The following SCMH1 variants were observed in gnomAD, a reference collection of about 807,000 sequenced individuals.
SCMH1 encodes the protein Scm polycomb group protein homolog 1.
SCMH1 carries 37 observed loss-of-function variants against 70.8 expected under a neutral mutation model. The ratio of observed to expected loss-of-function variants is 0.52; its 90% CI spans 0.40 to 0.69. The LOEUF is 0.69. SCMH1 is among the 30% of genes least tolerant of loss of function. The pLI, the probability that SCMH1 is intolerant of heterozygous loss-of-function variation, is 0.00. For synonymous variants in SCMH1, 292 were observed against 307.4 expected, an observed-to-expected ratio of 0.95 and a Z score of 0.52; for missense variants, 607 against 827.3, an observed-to-expected ratio of 0.73 and a Z score of 3.27.
chr1:41,075,314 G>C (rs1571837087), exon 9 of SCMH1: 1 of 1,614,160 alleles, frequency 6.2e-7, no homozygotes, highest in East Asian at 2.2e-5. Context: ...AGGGTCTTGG[G>C]TGTCCGGCCC....
chr1:41,060,773 T>C (rs894909189), intron 10 of SCMH1, among the ~76,000 whole-genome samples: 1 of 152,120 alleles, frequency 6.6e-6, no homozygotes, highest in Non-Finnish European at 1.5e-5. Flanking sequence ...GCCTCCTGAG[T>C]AGCTTGGGGC....
intron 12 of SCMH1, chr1:41,045,697 C>T (rs1415112892): frequency 6.6e-6 from 1 of 152,414 alleles, no homozygotes; most frequent in Non-Finnish European, 1.5e-5. Flanking sequence ...TTTCCTCCCT[C>T]TCAGTAATGA....
At chr1:41,129,566 ATC>A (rs540398045) in intron 6 of SCMH1, among the ~76,000 whole-genome samples, 1 of 152,048 alleles carries the variant, frequency 6.6e-6, no homozygotes, top group Non-Finnish European at 1.5e-5. Flanking sequence ...TTCCCATTGC[ATC>A]TCTCTCTCTT....
chr1:41,125,721 G>A (rs1332474166), intron 6 of SCMH1, among the ~76,000 whole-genome samples: 1 of 151,170 alleles, frequency 6.6e-6, no homozygotes, highest in African/African-American at 2.4e-5. Context: ...CCACAGATGC[G>A]TGACACCATG....
At chr1:41,072,209 A>C (rs1379306632) in intron 9 of SCMH1, among the ~76,000 whole-genome samples, 2 of 152,212 alleles carry the variant, frequency 1.3e-5, no homozygotes, top group Non-Finnish European at 2.9e-5. Flanking sequence ...ACATCTGCTC[A>C]TGCTTTTTTA....
intron 8 of SCMH1, among the ~76,000 whole-genome samples, chr1:41,081,527 TA>T (rs1660016952): frequency 6.6e-6 from 1 of 152,186 alleles, no homozygotes; most frequent in African/African-American, 2.4e-5. Flanking sequence ...AATTGACACA[TA>T]TATTATTTGT....
intron 6 of SCMH1, among the ~76,000 whole-genome samples, chr1:41,128,633 G>A (rs759070455): frequency 1.3e-5 from 2 of 151,834 alleles, no homozygotes; most frequent in Admixed American, 1.3e-4. Context: ...TGCCTTGTGT[G>A]GTTTATTTCA....
intron 5 of SCMH1, among the ~76,000 whole-genome samples, chr1:41,147,106 T>C (rs1483663904): frequency 6.6e-6 from 1 of 152,208 alleles, no homozygotes; most frequent in Non-Finnish European, 1.5e-5. Context: ...TAAATAAATG[T>C]ATAGTGATAG....
chr1:41,111,269 C>G (rs185924950), intron 8 of SCMH1, among the ~76,000 whole-genome samples: 1 of 152,120 alleles, frequency 6.6e-6, no homozygotes, highest in Non-Finnish European at 1.5e-5. Context: ...AGAATAAAAT[C>G]CAATATTCCC....
intron 1 of SCMH1, among the ~76,000 whole-genome samples, chr1:41,191,300 C>G (rs796217632): frequency 3.2e-4 from 48 of 152,206 alleles, no homozygotes; most frequent in African/African-American, 1.1e-3. Context: ...CAATGTGTGT[C>G]TGCTTTATTT....
chr1:41,179,548 C>T (rs1648070678), intron 2 of SCMH1, among the ~76,000 whole-genome samples: 1 of 152,164 alleles, frequency 6.6e-6, no homozygotes, highest in Admixed American at 6.5e-5. Flanking sequence ...ACCAATCCTG[C>T]AGAAACACAA....
intron 4 of SCMH1, among the ~76,000 whole-genome samples, chr1:41,153,887 A>G (rs1645286372): frequency 6.6e-6 from 1 of 152,236 alleles, no homozygotes; most frequent in Admixed American, 6.5e-5. Context: ...AAGTAACCAC[A>G]AAAGAAATAG....
intron 6 of SCMH1, among the ~76,000 whole-genome samples, chr1:41,141,702 T>C (rs1644090223): frequency 6.6e-6 from 1 of 152,048 alleles, no homozygotes; most frequent in African/African-American, 2.4e-5. Flanking sequence ...ACAAATAAAC[T>C]GCAAGAAAAA....
At chr1:41,069,576 G>A (rs767544703) in intron 10 of SCMH1, among the ~76,000 whole-genome samples, 2 of 152,156 alleles carry the variant, frequency 1.3e-5, no homozygotes, top group Non-Finnish European at 2.9e-5. Flanking sequence ...GTAGGTAAAA[G>A]ATAAATGTGG....
chr1:41,208,305 T>A, intron 1 of SCMH1, among the ~76,000 whole-genome samples: 1 of 112,278 alleles, frequency 8.9e-6, no homozygotes, highest in African/African-American at 3.4e-5. Context: ...AGGGATAGCA[T>A]TGGGAGATAT....
intron 6 of SCMH1, among the ~76,000 whole-genome samples, chr1:41,123,304 C>T (rs965369701): frequency 6.6e-6 from 1 of 152,158 alleles, no homozygotes; most frequent in South Asian, 2.1e-4. Context: ...AACAGAAGAG[C>T]ATTCACACCA....
chr1:41,212,543 TG>T (rs1243991948), intron 1 of SCMH1, among the ~76,000 whole-genome samples: 1 of 152,084 alleles, frequency 6.6e-6, no homozygotes, highest in African/African-American at 2.4e-5. Flanking sequence ...CAAAAATTTC[TG>T]TAACATATAA....
At chr1:41,052,568 AT>A (rs1352375658) in intron 10 of SCMH1, among the ~76,000 whole-genome samples, 1 of 152,198 alleles carries the variant, frequency 6.6e-6, no homozygotes, top group Admixed American at 6.5e-5. Context: ...CTAATGATGC[AT>A]TTCTCTGATC....
At chr1:41,134,082 A>G (rs1290899031) in intron 6 of SCMH1, among the ~76,000 whole-genome samples, 1 of 152,224 alleles carries the variant, frequency 6.6e-6, no homozygotes, top group Non-Finnish European at 1.5e-5. Flanking sequence ...AAGCGTATCC[A>G]CAACAATCAA....
Sources: gnomAD v4.1 joint callset for allele counts (sites outside exome capture counted in the v4.1 genomes callset) on GRCh38, gnomAD v4.1.1 for gene constraint, MANE v1.5 for transcripts, NCBI Gene and HGNC (gene_info 2026-07-23, HGNC 2026-07-21) for gene names.